Variants in LARP1 observed in about 807,000 individuals in gnomAD.
The protein encoded by LARP1 is La ribonucleoprotein 1, translational regulator.
In LARP1, 36 loss-of-function variants were observed where a neutral mutation model predicts 122.7. That is an observed-to-expected ratio of 0.29 (90% confidence interval 0.22 to 0.39). The LOEUF (loss-of-function observed/expected upper bound fraction) is 0.39. Among genes scored for constraint, LARP1 ranks in the 10% least tolerant of loss-of-function variants. LARP1 has a pLI of 1.00. For synonymous variants in LARP1, 539 were observed against 528.7 expected (o/e 1.02, Z -0.27); for missense variants, 1,040 against 1,403.6 (o/e 0.74, Z 4.14).
chr5:154,816,431 C>G lies in LARP1; in HGVS notation c.*2335C>G, dbSNP rs1759671731. 6.5e-6 allele frequency: 1 copy of G among 152,688 alleles called. No homozygotes were observed. Among genetic ancestry groups the G allele is most frequent in the Non-Finnish European group, 1.5e-5 (1 of 68,084 alleles). The allele number at this position is 152,688 out of a possible 1,614,324, so 9.5% of individuals were successfully genotyped here. On this transcript the variant is annotated 3_prime_UTR_variant, in exon 19 of 19. Coordinates refer to ENST00000518297, the MANE Select transcript of LARP1 (RefSeq NM_033551.3). ...CAGGCCAGGGGGCTGCCATCTTCTT[C>G]ACAGACATCCCTGAAAGGAAGCCCC...
chr5:154,803,232 C>T lies in LARP1; in HGVS notation c.2110-58C>T, dbSNP rs1053994921. 1.9e-5 allele frequency: 30 copies of T among 1,606,902 alleles called. No individual in the cohort carries two copies. The highest frequency in any genetic ancestry group is 2.2e-5 in the Non-Finnish European group (26 of 1,174,232). On this transcript the variant is annotated intron_variant, in intron 11 of 18. Coordinates refer to ENST00000518297, the MANE Select transcript of LARP1 (RefSeq NM_033551.3). This position sits in a 1 kb window ranked among gnomAD's most constrained non-coding sequence, Gnocchi z 4.4. ...TTCCTGCCAGTCTTGATTCCTTAAA[C>T]AGGCTAGAGCAGCCTGCTTACTTAC... is the stretch of plus-strand genomic sequence containing the variant.
chr5:154,806,043 T>G lies in LARP1; in HGVS notation c.2698+11T>G, dbSNP rs1221144032. 11 of 1,612,872 alleles carry G rather than the reference T, an allele frequency of 6.8e-6. No homozygotes were observed. In the African/African-American group the frequency reaches 1.1e-4, roughly 16 times the overall value. ...GGCGCTGCCTTAATGGTAAGAAGTG[T>G]GGGGGGCAGGAGATGAGCCTCTGGG... is the stretch of plus-strand genomic sequence containing the variant. On this transcript the variant is annotated intron_variant, in intron 15 of 18. Transcript: ENST00000518297.
intron 1 of LARP1, among the ~76,000 whole-genome samples, chr5:154,743,780 C>G (rs1374685413): frequency 1.3e-5 from 2 of 152,042 alleles, no homozygotes; most frequent in South Asian, 2.1e-4. Flanking sequence ...CCATGACACT[C>G]AGTTAATATT....
chr5:154,787,417 T>C (rs571958344), intron 1 of LARP1, among the ~76,000 whole-genome samples: 2 of 152,282 alleles, frequency 1.3e-5, no homozygotes, highest in African/African-American at 4.8e-5. Flanking sequence ...TGTGTACCTG[T>C]GTGCACGTGT....
intron 1 of LARP1, among the ~76,000 whole-genome samples, chr5:154,697,848 G>C (rs947478361): frequency 6.6e-6 from 1 of 152,102 alleles, no homozygotes; most frequent in African/African-American, 2.4e-5. Context: ...TTTTAAAACA[G>C]AGTCTCTCAC....
Position 154,803,276 on chromosome 5 carries a change from CAT to C in LARP1, c.2110-13_2110-12del, listed in dbSNP as rs754296063. The C allele has an allele frequency of 5.0e-6, 8 of 1,614,078 alleles. No individual in the cohort carries two copies. The African/African-American group carries it at 1.1e-4, about 22-fold the overall frequency. On this transcript the variant is annotated splice_polypyrimidine_tract_variant and intron_variant, in intron 11 of 18. Transcript: ENST00000518297. The surrounding 1 kb of genome is among the most constrained non-coding windows in gnomAD (Gnocchi z 4.4). Reference sequence around the variant, plus strand: ...TACTTACATCTTTCCCCACTCATCTCATGACCTCTGCAGCAAGAAGTCGAGAA... The same window carrying C: ...TACTTACATCTTTCCCCACTCATCTCGACCTCTGCAGCAAGAAGTCGAGAA...
chr5:154,728,182 A>G (rs1756344882), intron 1 of LARP1, among the ~76,000 whole-genome samples: 1 of 152,104 alleles, frequency 6.6e-6, no homozygotes, highest in Non-Finnish European at 1.5e-5. Flanking sequence ...CCCAGATCCC[A>G]CTCTGTAGAT....
At chr5:154,717,819 C>T (rs978254723) in intron 1 of LARP1, among the ~76,000 whole-genome samples, 4 of 152,166 alleles carry the variant, frequency 2.6e-5, no homozygotes, top group African/African-American at 7.2e-5. Flanking sequence ...ATTTTTGCTA[C>T]ATGAGAGAAA....
At chr5:154,687,658 G>A (rs1753999673) in intron 1 of LARP1, among the ~76,000 whole-genome samples, 1 of 152,212 alleles carries the variant, frequency 6.6e-6, no homozygotes, top group South Asian at 2.1e-4. Context: ...TGGGATTACA[G>A]GCGTGAGCCA....
In LARP1 at chr5:154,805,893, A is replaced by G. The variant is rs773263452; in HGVS notation, c.2559A>G (p.Ser853=). ...GTGGTTTCTGTAGCTCCAGCCCCTC[A>G]GAAGGGACGCCTACAGTTGGCAGCT... is the stretch of plus-strand genomic sequence containing the variant. The part of the protein sequence containing the change: ...PRTASISSSP[S]EGTPTVGSYG... Residue 853 remains serine (S), a synonymous_variant, in exon 15 of 19, where the codon TCA becomes TCG. Coordinates refer to ENST00000518297, the MANE Select transcript of LARP1 (RefSeq NM_033551.3). 53 of 1,613,836 alleles carry G rather than the reference A, an allele frequency of 3.3e-5. No homozygotes were observed. Among genetic ancestry groups the G allele is most frequent in the Non-Finnish European group, 4.2e-5 (50 of 1,179,950 alleles).
chr5:154,746,309 G>A (rs1387315194), intron 1 of LARP1, among the ~76,000 whole-genome samples: 3 of 152,312 alleles, frequency 2.0e-5, no homozygotes, highest in South Asian at 4.1e-4. Flanking sequence ...TTGACTGAGC[G>A]ACGGTTCTTT....
chr5:154,722,737 G>A (rs1755955939), intron 1 of LARP1, among the ~76,000 whole-genome samples: 1 of 142,980 alleles, frequency 7.0e-6, no homozygotes. Context: ...CTGGAGTGCA[G>A]TGGCGCTATC....
chr5:154,777,326 C>T (rs956991462), intron 1 of LARP1, among the ~76,000 whole-genome samples: 7 of 149,886 alleles, frequency 4.7e-5, no homozygotes, highest in Admixed American at 3.3e-4. Flanking sequence ...GCCTGGCCAA[C>T]GTGGTGAAAC....
intron 15 of LARP1, among the ~76,000 whole-genome samples, chr5:154,807,522 ATTGT>A (rs1758885149): frequency 6.6e-6 from 1 of 152,058 alleles, no homozygotes; most frequent in Non-Finnish European, 1.5e-5. Context: ...AACACTTGTT[ATTGT>A]TTGTCTATTT....
upstream of LARP1, among the ~76,000 whole-genome samples, chr5:154,711,223 C>T (rs1755203536): frequency 6.6e-6 from 1 of 151,502 alleles, no homozygotes; most frequent in African/African-American, 2.4e-5. Flanking sequence ...CTCACTGCAA[C>T]CTCCAGCTCC....
At chr5:154,708,820 A>G (rs1755075473), upstream of LARP1, among the ~76,000 whole-genome samples, 1 of 152,166 alleles carries the variant, frequency 6.6e-6, no homozygotes, top group African/African-American at 2.4e-5. Context: ...CATGTTGGCC[A>G]GGCTGGTCTC....
upstream of LARP1, among the ~76,000 whole-genome samples, chr5:154,709,197 A>G (rs1338800546): frequency 6.6e-6 from 1 of 152,240 alleles, no homozygotes; most frequent in African/African-American, 2.4e-5. Flanking sequence ...CTTCACCAAT[A>G]GTAAAGGCTT....
At chr5:154,715,267 T>C (rs1274371816) in intron 1 of LARP1, among the ~76,000 whole-genome samples, 2,357 of 62,662 alleles carry the variant, frequency 0.038, 53 homozygotes, top group African/African-American at 0.09. Flanking sequence ...AGCCTCTCTT[T>C]TTTTTTTTTT....
intron 1 of LARP1, among the ~76,000 whole-genome samples, chr5:154,764,638 C>G (rs1236383138): frequency 1.4e-5 from 2 of 142,178 alleles, no homozygotes; most frequent in African/African-American, 5.2e-5. Context: ...GGCGTAGTGG[C>G]TCACACCTGT....
Sources: allele counts gnomAD v4.1 joint callset (sites outside exome capture counted in the v4.1 genomes callset), GRCh38; gene constraint gnomAD v4.1.1; non-coding constraint Gnocchi (gnomAD v3.1); transcripts MANE v1.5; gene names NCBI Gene and HGNC (gene_info 2026-07-23, HGNC 2026-07-21).